ZNF250: variants seen among roughly 807,000 people sequenced by gnomAD.
The protein encoded by ZNF250 is zinc finger protein (clone 647).
A neutral mutation model predicts 37.1 loss-of-function variants in ZNF250; 13 were observed. The ratio of observed to expected loss-of-function variants is 0.35; its 90% CI spans 0.23 to 0.56. The LOEUF (loss-of-function observed/expected upper bound fraction) is 0.56, where lower values mean the gene tolerates loss of function less well. ZNF250 is among the 20% of genes least tolerant of loss of function. The pLI, the probability that ZNF250 is intolerant of heterozygous loss-of-function variation, is 0.87. For missense variants in ZNF250, 474 were observed against 697.9 expected, an observed-to-expected ratio of 0.68 and a Z score of 3.61; for synonymous variants, 251 against 265.6, an observed-to-expected ratio of 0.94 and a Z score of 0.54.
chr8:144,886,651 G>A (rs940734983), intron 5 of ZNF250, among the ~76,000 whole-genome samples, 189 bp downstream of exon 5: 1 of 152,178 alleles, frequency 6.6e-6, no homozygotes, highest in Non-Finnish European at 1.5e-5. Context: ...GGCCTACTAT[G>A]GCTCACAAGA....
chr8:144,893,532 T>G (rs943269491), intron 1 of ZNF250, among the ~76,000 whole-genome samples: 4 of 152,282 alleles, frequency 2.6e-5, no homozygotes, highest in Non-Finnish European at 5.9e-5. Flanking sequence ...GGTTTCACCA[T>G]GTTGCCCAGG....
rs1831184361 is a variant in ZNF250, at chr8:144,877,230, G to T, written c.*4285C>A. Reference sequence around the variant, plus strand: ...GCCTCCCACGTATCTGGGACTACAGGCGCAAGCCACAACACCCAGCTAATT... The same window carrying T: ...GCCTCCCACGTATCTGGGACTACAGTCGCAAGCCACAACACCCAGCTAATT... On this transcript the variant is annotated 3_prime_UTR_variant, in exon 6 of 6. Transcript: ENST00000417550. 1 of 152,046 alleles carries T rather than the reference G, an allele frequency of 6.6e-6. No homozygotes were observed. The highest frequency in any genetic ancestry group is 2.4e-5 in the African/African-American group (1 of 41,388). The allele number at this position is 152,046 out of a possible 1,614,324, so 9.4% of individuals were successfully genotyped here. A position where few individuals can be genotyped will look rare whatever the true frequency, so the allele number is the denominator to read the frequency against.
At chr8:144,895,772 G>A (rs1360133909) in intron 1 of ZNF250, among the ~76,000 whole-genome samples, 1 of 151,976 alleles carries the variant, frequency 6.6e-6, no homozygotes, top group Non-Finnish European at 1.5e-5. Context: ...CACTTTGGGA[G>A]GCCGAGGCGG....
At chr8:144,898,715 G>A (rs1025094679) in intron 1 of ZNF250, among the ~76,000 whole-genome samples, 2 of 152,156 alleles carry the variant, frequency 1.3e-5, no homozygotes, top group African/African-American at 4.8e-5. Context: ...TAACCAGAAT[G>A]CAGAAGGGAG....
In ZNF250 at chr8:144,880,142, AT is replaced by A. The variant is rs1282373612; in HGVS notation, c.*1372del. ...AAATTTTTAATTATGAATAAACTAG[AT>A]TCATCTTCATCATAGTAATATGGCA... On this transcript the variant is annotated 3_prime_UTR_variant, in exon 6 of 6. Transcript: ENST00000417550. 5.9e-6 allele frequency: 1 copy of A among 170,864 alleles called. No individual in the cohort carries two copies. Among genetic ancestry groups the A allele is most frequent in the Non-Finnish European group, 1.3e-5 (1 of 77,826 alleles). 10.6% of individuals were successfully genotyped at this position (170,864 alleles called of 1,614,324 possible).
intron 1 of ZNF250, among the ~76,000 whole-genome samples, chr8:144,893,901 T>G (rs1399925221): frequency 6.6e-6 from 1 of 152,174 alleles, no homozygotes; most frequent in Non-Finnish European, 1.5e-5. Context: ...CAGTACTCCC[T>G]GGATGGCTGC....
At chr8:144,885,355 A>G (rs941811921) in intron 5 of ZNF250, among the ~76,000 whole-genome samples, 1 of 152,220 alleles carries the variant, frequency 6.6e-6, no homozygotes, top group Non-Finnish European at 1.5e-5. Context: ...TCCTGACCTC[A>G]GGTGGTCCAT....
intron 1 of ZNF250, among the ~76,000 whole-genome samples, chr8:144,894,831 A>AT (rs11438949): frequency 0.7 from 103,477 of 147,488 alleles, 36,371 homozygotes; most frequent in South Asian, 0.87. Flanking sequence ...TAATTTCTTA[A>AT]TTTTTTTTTT....
rs781283103 is a variant in ZNF250 at position 144,886,879 on chromosome 8, T to C, written c.307A>G (p.Thr103Ala). Residue 103 changes from threonine (T) to alanine (A), a missense_variant, in exon 5 of 6, where the codon ACA (threonine) becomes GCA (alanine). Thr to Ala is a moderately conservative substitution (Grantham distance 58). Around this residue, in one of 2 missense-constraint regions of ZNF250, gnomAD observed 192 missense variants for 227.5 expected, o/e 0.84. Coordinates refer to ENST00000417550, the MANE Select transcript of ZNF250 (RefSeq NM_001109689.4). ...AAACTGTCTTGTTGTGTACAGGCTG[T>C]AGTGTGGTCATATTTGAGGTTGTCT... ...YSDNLKYDHT[T>A]ACTQQDSLSC... is the part of the protein sequence containing the mutation. 11 of 1,613,472 alleles carry C rather than the reference T, an allele frequency of 6.8e-6. No individual in the cohort carries two copies. In the African/African-American group the frequency reaches 1.2e-4, roughly 18 times the overall value.
chr8:144,889,841 A>G, intron 3 of ZNF250, 92 bp downstream of exon 3: 2 of 1,499,440 alleles, frequency 1.3e-6, no homozygotes, highest in South Asian at 2.6e-5. Context: ...GCAAACCTCC[A>G]GGACCAGCCT....
Position 144,882,340 on chromosome 8 carries a change from A to T in ZNF250, c.843T>A (p.Leu281=). The T allele has an allele frequency of 6.2e-7, 1 of 1,613,888 alleles. No individual in the cohort carries two copies. The highest frequency in any genetic ancestry group is 8.5e-7 in the Non-Finnish European group (1 of 1,179,870). Residue 281 remains leucine, a synonymous_variant, in exon 6 of 6, where the codon CTT becomes CTA. Coordinates refer to ENST00000417550, the MANE Select transcript of ZNF250 (RefSeq NM_001109689.4). The surrounding 1 kb of genome is among the most constrained non-coding windows in gnomAD (Gnocchi z 5.5). The part of the protein sequence containing the change: ...IHTGEKPHEC[L]ECRKAFTQLS... ...GTTGAGTGAAGGCTTTCCGACACTC[A>T]AGACATTCGTGAGGCTTCTCTCCTG...
chr8:144,880,226 TA>T lies in ZNF250; in HGVS notation c.*1288del. ...AAATGAAAAAAAAAACCCCTTCAAA[TA>T]TAGGAATAGAAATACTAGAGATAGT... On this transcript the variant is annotated 3_prime_UTR_variant, in exon 6 of 6. Transcript: ENST00000417550. 8.4e-6 allele frequency: 2 copies of T among 237,262 alleles called. No individual in the cohort carries two copies. The highest frequency in any genetic ancestry group is 9.7e-5 in the South Asian group (2 of 20,638). The allele number at this position is 237,262 out of a possible 1,614,324, so 14.7% of individuals were successfully genotyped here.
intron 4 of ZNF250, among the ~76,000 whole-genome samples, chr8:144,887,806 A>T (rs1050817746): frequency 1.3e-4 from 20 of 152,248 alleles, no homozygotes; most frequent in Non-Finnish European, 2.4e-4. Flanking sequence ...CTTCTTGTAT[A>T]GTCACTGGAA....
intron 5 of ZNF250, among the ~76,000 whole-genome samples, chr8:144,883,747 C>A (rs1309293485): frequency 6.6e-6 from 1 of 152,114 alleles, no homozygotes; most frequent in African/African-American, 2.4e-5. Flanking sequence ...CAAGTTTAGG[C>A]CACAGATGAG....
chr8:144,888,022 C>T lies in ZNF250; in HGVS notation c.284-1120G>A, dbSNP rs185383387. On this transcript the variant is annotated intron_variant, in intron 4 of 5. Coordinates refer to ENST00000417550, the MANE Select transcript of ZNF250 (RefSeq NM_001109689.4). ...GGAGGTGTTGCCCAAACTGTCCCTA[C>T]TCTCCCCAAGTGGGGCACATTATGG... Among the ~76,000 whole-genome samples, 23 of 152,332 alleles carry T rather than the reference C, an allele frequency of 1.5e-4. No homozygotes were observed. The East Asian group carries it at 2.3e-3, about 15-fold the overall frequency.
At chr8:144,887,808 T>C (rs890850521) in intron 4 of ZNF250, among the ~76,000 whole-genome samples, 5 of 152,218 alleles carry the variant, frequency 3.3e-5, no homozygotes, top group African/African-American at 1.2e-4. Context: ...TCTTGTATAG[T>C]CACTGGAAAA....
Position 144,881,456 on chromosome 8 carries a change from G to T in ZNF250, c.*59C>A. ...TAACAGAGACTTCTCTTGGGCTGAA[G>T]GCTGCTTGTGGTTCCACATGCAGTT... On this transcript the variant is annotated 3_prime_UTR_variant, in exon 6 of 6. Transcript: ENST00000417550. The T allele has an allele frequency of 6.6e-7, 1 of 1,520,106 alleles. No individual in the cohort carries two copies. The highest frequency in any genetic ancestry group is 8.8e-7 in the Non-Finnish European group (1 of 1,133,662). The allele number at this position is 1,520,106 out of a possible 1,614,324, so 94.2% of individuals were successfully genotyped here. A position where few individuals can be genotyped will look rare whatever the true frequency, so the allele number is the denominator to read the frequency against.
chr8:144,894,548 C>CA (rs146205800), intron 1 of ZNF250, among the ~76,000 whole-genome samples: 3,177 of 152,016 alleles, frequency 0.021, 108 homozygotes, highest in African/African-American at 0.073. Flanking sequence ...CCTGCACCAG[C>CA]AGACCAAGAA....
At chr8:144,895,476 G>A (rs1427784397) in intron 1 of ZNF250, among the ~76,000 whole-genome samples, 2 of 152,204 alleles carry the variant, frequency 1.3e-5, no homozygotes. Flanking sequence ...TGTGGTTGGT[G>A]AGAGGAGAGC....
Sources: gnomAD v4.1 joint callset for allele counts (sites outside exome capture counted in the v4.1 genomes callset) on GRCh38, gnomAD v4.1.1 for gene constraint, gnomAD v4.1.1 regional missense constraint, Gnocchi (gnomAD v3.1) non-coding constraint, MANE v1.5 for transcripts, NCBI Gene and HGNC (gene_info 2026-07-23, HGNC 2026-07-21) for gene names.